The following S100Z variants were observed in gnomAD, a reference collection of about 807,000 sequenced individuals.
S100Z encodes the protein protein S100-Z.
S100Z carries 11 observed loss-of-function variants against 8.5 expected under a neutral mutation model. The observed-to-expected ratio is 1.30, with a 90% confidence interval of 0.82 to 2.15. S100Z has a LOEUF of 2.15. Ranked by LOEUF, S100Z falls within the 30% of genes most tolerant of loss-of-function variation. The pLI is 0.00. For synonymous variants in S100Z, 34 were observed against 43.8 expected (o/e 0.78, Z 0.89); for missense variants, 126 against 117.9 (o/e 1.07, Z -0.32).
chr5:76,897,795 G>A (rs1165503044), intron 4 of S100Z, among the ~76,000 whole-genome samples: 3 of 152,068 alleles, frequency 2.0e-5, no homozygotes, highest in Non-Finnish European at 4.4e-5. Flanking sequence ...TTCGCTGTTG[G>A]CATATACAAA....
chr5:76,891,728 A>T (rs542357718), intron 4 of S100Z, among the ~76,000 whole-genome samples: 2 of 152,202 alleles, frequency 1.3e-5, no homozygotes, highest in South Asian at 4.2e-4. Context: ...CTTTGGAAAA[A>T]ATCAGACAAC....
At chr5:76,855,994 C>T (rs1431445906) in intron 1 of S100Z, among the ~76,000 whole-genome samples, 2 of 152,126 alleles carry the variant, frequency 1.3e-5, no homozygotes, top group East Asian at 3.9e-4. Flanking sequence ...AATGAGCTAG[C>T]ATGAGATCTG....
chr5:76,895,417 C>T (rs1475787367), intron 4 of S100Z, among the ~76,000 whole-genome samples: 2 of 151,904 alleles, frequency 1.3e-5, no homozygotes, highest in Non-Finnish European at 2.9e-5. Context: ...GAAATTTGGT[C>T]ATCAAATATT....
At chr5:76,907,810 TA>T (rs1409801571) in intron 4 of S100Z, among the ~76,000 whole-genome samples, 1 of 152,088 alleles carries the variant, frequency 6.6e-6, no homozygotes. Flanking sequence ...AATTCTAATG[TA>T]AAAAAATTAA....
intron 1 of S100Z, among the ~76,000 whole-genome samples, chr5:76,865,593 T>A (rs1751245537): frequency 6.6e-6 from 1 of 151,056 alleles, no homozygotes; most frequent in Admixed American, 6.6e-5. Context: ...AAAAAAAAAA[T>A]TAAAAATAGA....
intron 4 of S100Z, among the ~76,000 whole-genome samples, chr5:76,906,976 G>GTGTA (rs1187679380): frequency 2.3e-4 from 5 of 21,770 alleles, no homozygotes; most frequent in African/African-American, 6.7e-4. Context: ...TTGTGTGTGT[G>GTGTA]TATATATATA....
At chr5:76,861,183 G>A (rs1751044854) in intron 1 of S100Z, among the ~76,000 whole-genome samples, 1 of 152,110 alleles carries the variant, frequency 6.6e-6, no homozygotes. Flanking sequence ...CTCCTAAGGT[G>A]GTTCATTGCG....
chr5:76,866,674 A>G (rs952957903), intron 1 of S100Z, among the ~76,000 whole-genome samples: 1 of 152,210 alleles, frequency 6.6e-6, no homozygotes, highest in Non-Finnish European at 1.5e-5. Context: ...GCACAGTTAT[A>G]TGCTGTACAG....
At chr5:76,912,935 ACAGAGAGAGT>A (rs1561250419) in intron 4 of S100Z, among the ~76,000 whole-genome samples, 9 of 95,454 alleles carry the variant, frequency 9.4e-5, no homozygotes, top group African/African-American at 3.2e-4. Context: ...AGTCAGAGAG[ACAGAGAGAGT>A]CAGAGAGAGG....
At chr5:76,915,553 A>G (rs1190517826) in intron 4 of S100Z, among the ~76,000 whole-genome samples, 1 of 152,026 alleles carries the variant, frequency 6.6e-6, no homozygotes, top group East Asian at 1.9e-4. Context: ...GCTTGCAATG[A>G]GCCGAGATCA....
chr5:76,901,491 C>T (rs1488531016), intron 4 of S100Z, among the ~76,000 whole-genome samples: 1 of 152,236 alleles, frequency 6.6e-6, no homozygotes, highest in Non-Finnish European at 1.5e-5. Flanking sequence ...AGGAGCCTCA[C>T]CTCATAGCCA....
chr5:76,923,169 A>G (rs1201782524), downstream of S100Z, among the ~76,000 whole-genome samples: 1 of 152,186 alleles, frequency 6.6e-6, no homozygotes, highest in African/African-American at 2.4e-5. Flanking sequence ...TGAATCAGGA[A>G]CAAAACAAGG....
downstream of S100Z, among the ~76,000 whole-genome samples, chr5:76,925,478 T>G (rs1393112039): frequency 2.0e-5 from 3 of 152,216 alleles, no homozygotes; most frequent in Non-Finnish European, 4.4e-5. Flanking sequence ...TGCCTGGCTC[T>G]TATCTCTCTG....
chr5:76,860,673 T>C (rs569852506), intron 1 of S100Z, among the ~76,000 whole-genome samples: 1 of 152,312 alleles, frequency 6.6e-6, no homozygotes, highest in South Asian at 2.1e-4. Context: ...GAAACAATGA[T>C]TTTTGTTTAA....
the S100Z span, among the ~76,000 whole-genome samples, chr5:76,935,442 T>A: frequency 1.0e-3 from 159 of 152,330 alleles, no homozygotes; most frequent in Admixed American, 9.9e-3. Flanking sequence ...TAGTGTGCTA[T>A]GAAATGCAGT....
intron 4 of S100Z, among the ~76,000 whole-genome samples, chr5:76,919,994 C>T (rs951070843): frequency 2.6e-5 from 4 of 151,226 alleles, no homozygotes; most frequent in Non-Finnish European, 5.9e-5. Flanking sequence ...CTGCAACCTC[C>T]GCCTCCCGAG....
chr5:76,917,771 C>T (rs1744898930), intron 4 of S100Z, among the ~76,000 whole-genome samples: 1 of 146,466 alleles, frequency 6.8e-6, no homozygotes, highest in Non-Finnish European at 1.5e-5. Context: ...TGCAGTAAAC[C>T]GAGATAACAC....
the S100Z span, among the ~76,000 whole-genome samples, chr5:76,945,410 C>G: frequency 1.3e-5 from 2 of 152,148 alleles, no homozygotes; most frequent in Non-Finnish European, 2.9e-5. Context: ...AGAGGAAGGC[C>G]TCTTGCAGTT....
chr5:76,893,361 T>G (rs944179343), intron 4 of S100Z, among the ~76,000 whole-genome samples: 7 of 152,100 alleles, frequency 4.6e-5, no homozygotes, highest in Admixed American at 3.3e-4. Flanking sequence ...CTGGCCAACA[T>G]GGCAAAACCT....
Sources: allele counts gnomAD v4.1 joint callset (sites outside exome capture counted in the v4.1 genomes callset), GRCh38; gene constraint gnomAD v4.1.1; transcripts MANE v1.5; gene names NCBI Gene and HGNC (gene_info 2026-07-23, HGNC 2026-07-21).